The following TRPM7 variants were observed in gnomAD, a reference collection of about 807,000 sequenced individuals.
TRPM7 encodes the protein LTRPC ion channel family member 7.
Under a neutral mutation model 229.7 loss-of-function variants are expected in TRPM7, and 134 were observed. That is an observed-to-expected ratio of 0.58 (90% CI 0.51 to 0.67). The LOEUF (loss-of-function observed/expected upper bound fraction) is 0.67, where lower values mean the gene tolerates loss of function less well. TRPM7 is among the 30% of genes least tolerant of loss of function. The pLI, the probability that TRPM7 is intolerant of heterozygous loss-of-function variation, is 0.00. For synonymous variants in TRPM7, 699 were observed against 715.2 expected, an observed-to-expected ratio of 0.98 and a Z score of 0.36; for missense variants, 1,901 against 2,210.0, an observed-to-expected ratio of 0.86 and a Z score of 2.80.
intron 1 of TRPM7, among the ~76,000 whole-genome samples, chr15:50,678,436 T>A (rs1183016175): frequency 6.7e-6 from 1 of 150,006 alleles, no homozygotes; most frequent in African/African-American, 2.5e-5. Context: ...CTCTCTGACT[T>A]CCCCTATCAG....
chr15:50,619,178 A>G lies in TRPM7; in HGVS notation c.1494+567T>C, dbSNP rs192588761. ...TTTTATGAACCAATGAGCTTTATAC[A>G]TCATATTCTATCTTGGATGACCAGA... On this transcript the variant is annotated intron_variant, in intron 13 of 38. Transcript: ENST00000646667. Among the ~76,000 whole-genome samples the G allele has an allele frequency of 2.6e-5, 4 of 151,562 alleles. No homozygotes were observed. In the East Asian group the frequency reaches 5.8e-4, roughly 22 times the overall value.
intron 11 of TRPM7, among the ~76,000 whole-genome samples, chr15:50,626,728 A>G (rs188979391): frequency 3.2e-4 from 48 of 152,226 alleles, no homozygotes; most frequent in Admixed American, 2.9e-3. Context: ...TTTCCTCTGT[A>G]GTCCTGCAAG....
intron 19 of TRPM7, among the ~76,000 whole-genome samples, chr15:50,608,844 C>T (rs1430855280): frequency 1.3e-5 from 2 of 152,186 alleles, no homozygotes; most frequent in Non-Finnish European, 1.5e-5. Context: ...AAAGTAGGGG[C>T]TAATCTCATT....
intron 1 of TRPM7, among the ~76,000 whole-genome samples, chr15:50,679,177 A>T (rs532275588): frequency 7.4e-6 from 1 of 135,174 alleles, no homozygotes; most frequent in South Asian, 2.3e-4. Flanking sequence ...CAGTCAAAAA[A>T]ATTTTTTAAT....
At chr15:50,630,680 A>G (rs539334059) in intron 10 of TRPM7, among the ~76,000 whole-genome samples, 1 of 152,234 alleles carries the variant, frequency 6.6e-6, no homozygotes, top group Admixed American at 6.5e-5. Flanking sequence ...AGAAAGTGAC[A>G]CATTTTTATT....
chr15:50,641,068 C>T (rs1003850499), intron 5 of TRPM7, among the ~76,000 whole-genome samples: 1 of 152,120 alleles, frequency 6.6e-6, no homozygotes, highest in Non-Finnish European at 1.5e-5. Context: ...CATCCCTCAC[C>T]CAAATTATGA....
At chr15:50,566,378 T>C (rs1026389943) in intron 38 of TRPM7, among the ~76,000 whole-genome samples, 2 of 151,924 alleles carry the variant, frequency 1.3e-5, no homozygotes, top group Non-Finnish European at 2.9e-5. Context: ...AGAGGGAAAA[T>C]TATAGCACTC....
rs1399078708 is a variant in TRPM7 at position 50,644,819 on chromosome 15, A to G, written c.322-1266T>C. Among the ~76,000 whole-genome samples the G allele has an allele frequency of 3.3e-4, 48 of 147,674 alleles. No individual in the cohort carries two copies. In the South Asian group the frequency reaches 9.6e-3, roughly 29 times the overall value. ...TCTCAAAAAAAAAAAAAAAAAAAAAAAAAGAAATGAAGCCCAAAAAACCCC... is the reference window on the plus strand; with the variant it reads ...TCTCAAAAAAAAAAAAAAAAAAAAAGAAAGAAATGAAGCCCAAAAAACCCC... On this transcript the variant is annotated intron_variant, in intron 4 of 38. Transcript: ENST00000646667.
In TRPM7 at chr15:50,612,458, T is replaced by A. The variant is rs2060086534; in HGVS notation, c.2051+91A>T. The stretch of plus-strand genomic sequence containing the variant: ...CAATAAGATTATACATATAAATACA[T>A]CACCATTAAGTACGTGGCACTGTAA... On this transcript the variant is annotated intron_variant, in intron 16 of 38. Transcript: ENST00000646667. 6 of 1,075,752 alleles carry A rather than the reference T, an allele frequency of 5.6e-6. No homozygotes were observed. The South Asian group carries it at 9.6e-5, about 17-fold the overall frequency. The allele number at this position is 1,075,752 out of a possible 1,614,324, so 66.6% of individuals were successfully genotyped here.
chr15:50,680,772 T>C (rs1257021363), intron 1 of TRPM7, among the ~76,000 whole-genome samples: 1 of 152,130 alleles, frequency 6.6e-6, no homozygotes, highest in Non-Finnish European at 1.5e-5. Context: ...TCATCTGAGG[T>C]CTTACAAATA....
intron 38 of TRPM7, among the ~76,000 whole-genome samples, chr15:50,562,355 T>C (rs900766965): frequency 1.3e-5 from 2 of 152,158 alleles, no homozygotes; most frequent in Non-Finnish European, 2.9e-5. Flanking sequence ...CAGAAACTCA[T>C]GTAGGCGTGG....
In TRPM7 at chr15:50,561,790, T is replaced by C. The variant is rs2053322507; in HGVS notation, c.5486A>G (p.Tyr1829Cys). The C allele has an allele frequency of 1.2e-6, 2 of 1,608,472 alleles. No homozygotes were observed. The highest frequency in any genetic ancestry group is 1.7e-6 in the Non-Finnish European group (2 of 1,178,494). ...AGGAAATATAATTTTATCAGGCGTATAATCATTCCTCTTCAGATCTACATT... is the reference window on the plus strand; with the variant it reads ...AGGAAATATAATTTTATCAGGCGTACAATCATTCCTCTTCAGATCTACATT... ...LKLPDLKRNDYTPDKIIFPQD... is the reference protein window; with the variant it reads ...LKLPDLKRNDCTPDKIIFPQD... The change falls in exon 39 of 39, where the codon TAT (tyrosine) becomes TGT (cysteine). Residue 1829 changes from tyrosine to cysteine, a missense_variant. Coordinates refer to ENST00000646667, the MANE Select transcript of TRPM7 (RefSeq NM_017672.6).
chr15:50,614,089 C>G (rs1372142849), intron 14 of TRPM7, 34 bp downstream of exon 14: 1 of 1,549,184 alleles, frequency 6.5e-7, no homozygotes, highest in Admixed American at 2.0e-5. Context: ...AATATTAAAG[C>G]ATATATATAG....
intron 10 of TRPM7, among the ~76,000 whole-genome samples, chr15:50,630,216 C>A (rs530145474): frequency 6.7e-6 from 1 of 150,190 alleles, no homozygotes; most frequent in South Asian, 2.1e-4. Context: ...TTTTTGGTTT[C>A]TAGGTTTCCT....
chr15:50,577,686 C>G (rs1319612249), intron 31 of TRPM7, among the ~76,000 whole-genome samples: 1 of 152,160 alleles, frequency 6.6e-6, no homozygotes, highest in African/African-American at 2.4e-5. Context: ...CATGCTAACT[C>G]TGACTCAGCA....
chr15:50,634,666 A>C (rs1365535074), intron 7 of TRPM7, 110 bp from the exon 8 acceptor site: 5 of 803,598 alleles, frequency 6.2e-6, no homozygotes, highest in Middle Eastern at 3.9e-4. Context: ...TTTACTGAAA[A>C]AAAATTAAAA....
chr15:50,678,688 G>A (rs1006656161), intron 1 of TRPM7, among the ~76,000 whole-genome samples: 2 of 151,714 alleles, frequency 1.3e-5, no homozygotes, highest in African/African-American at 4.8e-5. Flanking sequence ...AGATATTATT[G>A]AAAAGCATCT....
rs2062364823 is a variant in TRPM7 at position 50,686,543 on chromosome 15, G to C, written c.-10C>G. The C allele has an allele frequency of 1.6e-5, 26 of 1,610,726 alleles. No individual in the cohort carries two copies. The highest frequency in any genetic ancestry group is 2.7e-5 in the African/African-American group (2 of 74,648). On this transcript the variant is annotated 5_prime_UTR_variant, in exon 1 of 39. Coordinates refer to ENST00000646667, the MANE Select transcript of TRPM7 (RefSeq NM_017672.6). ...GTGGGTCCAGTACCATTCTCCTCAC[G>C]GGGCGGACTCCGGAAGGGCAGCAAC...
At chr15:50,672,429 T>C (rs1426840718) in intron 1 of TRPM7, among the ~76,000 whole-genome samples, 1 of 151,972 alleles carries the variant, frequency 6.6e-6, no homozygotes, top group East Asian at 1.9e-4. Context: ...CAGAAGGCAC[T>C]GTTATCATAG....
Sources: allele counts gnomAD v4.1 joint callset (sites outside exome capture counted in the v4.1 genomes callset), GRCh38; gene constraint gnomAD v4.1.1; transcripts MANE v1.5; gene names NCBI Gene and HGNC (gene_info 2026-07-23, HGNC 2026-07-21).